The following PCDHA8 variants were observed in gnomAD, a reference collection of about 807,000 sequenced individuals.
PCDHA8 encodes protocadherin alpha 8.
Under a neutral mutation model 61.8 loss-of-function variants are expected in PCDHA8, and 53 were observed. The ratio of observed to expected loss-of-function variants is 0.86; its 90% CI spans 0.69 to 1.08. The LOEUF is 1.08. Ranked by LOEUF, PCDHA8 falls within the 50% of genes least tolerant of loss-of-function variation. PCDHA8 has a pLI of 0.00. For missense variants in PCDHA8, 1,293 were observed against 1,245.0 expected, an observed-to-expected ratio of 1.04 and a Z score of -0.58; for synonymous variants, 618 against 556.6, an observed-to-expected ratio of 1.11 and a Z score of -1.55.
intron 1 of PCDHA8, chr5:140,851,026 C>A (rs1554145197): frequency 2.8e-6 from 4 of 1,416,346 alleles, no homozygotes; most frequent in Admixed American, 5.4e-5. Flanking sequence ...ATAAAGTAAA[C>A]CCCTTAACAT....
Position 140,872,661 on chromosome 5 carries a change from T to G in PCDHA8, c.2394+28946T>G, listed in dbSNP as rs544432969. Among the ~76,000 whole-genome samples the G allele has an allele frequency of 2.0e-5, 3 of 152,284 alleles. No individual in the cohort carries two copies. In the East Asian group the frequency reaches 5.8e-4, roughly 29 times the overall value. ...ATGAAAAGGCAAGAGATTTGTCAAC[T>G]ATTGGATACTCAAACAAAATGGCAT... On this transcript the variant is annotated intron_variant, in intron 1 of 3. Transcript: ENST00000531613.
At chr5:140,979,868 C>T (rs1554241158) in intron 2 of PCDHA8, among the ~76,000 whole-genome samples, 1 of 152,160 alleles carries the variant, frequency 6.6e-6, no homozygotes. Context: ...AATATCTGGG[C>T]AACTATCAAG....
intron 3 of PCDHA8, among the ~76,000 whole-genome samples, chr5:141,007,668 G>C (rs556655396): frequency 6.6e-6 from 1 of 152,262 alleles, no homozygotes; most frequent in East Asian, 1.9e-4. Context: ...AATTTACAAA[G>C]ACAAAAGTTA....
intron 1 of PCDHA8, among the ~76,000 whole-genome samples, chr5:140,961,023 A>G (rs1216128174): frequency 6.6e-6 from 1 of 152,146 alleles, no homozygotes. Flanking sequence ...GACACTTGCT[A>G]CCTCCTTGTT....
chr5:141,008,678 G>C (rs1463545809), intron 3 of PCDHA8, among the ~76,000 whole-genome samples: 1 of 152,112 alleles, frequency 6.6e-6, no homozygotes, highest in Non-Finnish European at 1.5e-5. Flanking sequence ...ATATACTTTA[G>C]TTATTGCATG....
rs79396364 is a variant in PCDHA8 at position 140,939,917 on chromosome 5, T to C, written c.2395-39032T>C. On this transcript the variant is annotated intron_variant, in intron 1 of 3. Transcript: ENST00000531613. ...TATTCTGCATTCTTTTTTATTCTTT[T>C]TGTTTGCTTATTTTATCAGTTACTG... is the stretch of plus-strand genomic sequence containing the variant. Among the ~76,000 whole-genome samples, 828 of 152,316 alleles carry C rather than the reference T, an allele frequency of 5.4e-3. 3 individuals carry two copies. The highest frequency in any genetic ancestry group is 0.019 in the African/African-American group (797 of 41,560).
rs2150351247 is a variant in PCDHA8, at chr5:140,843,055, C to A, written c.1734C>A (p.Ser578Arg). 5 of 1,595,020 alleles carry A rather than the reference C, an allele frequency of 3.1e-6. No individual in the cohort carries two copies. Among genetic ancestry groups the A allele is most frequent in the Admixed American group, 1.7e-5 (1 of 59,274 alleles). ...PRVGGTGGAA[S>R]KLVPRSVGAG... ...TGGGTGGCACTGGTGGCGCAGCGAG[C>A]AAGCTGGTGCCGCGGTCTGTGGGCG... The change falls in exon 1 of 4, where the codon AGC (serine) becomes AGA (arginine). Residue 578 changes from serine (S) to arginine (R), a missense_variant. Physicochemically the swap from Ser to Arg is moderately radical, Grantham distance 110. Coordinates refer to ENST00000531613, the MANE Select transcript of PCDHA8 (RefSeq NM_018911.3).
chr5:140,903,524 A>T (rs2070355065), intron 1 of PCDHA8, among the ~76,000 whole-genome samples: 1 of 152,156 alleles, frequency 6.6e-6, no homozygotes, highest in Non-Finnish European at 1.5e-5. Flanking sequence ...TGTGTTGTTC[A>T]CTTTAAACTA....
chr5:140,877,153 A>T (rs2056892429), intron 1 of PCDHA8: 2 of 1,613,798 alleles, frequency 1.2e-6, no homozygotes, highest in Non-Finnish European at 1.7e-6. Flanking sequence ...CGAGAACGAC[A>T]ACGCGCCGGC....
At chr5:140,941,214 C>CTTCCTTTCTTTCTTTCTTTCTTT (rs1554214039) in intron 1 of PCDHA8, among the ~76,000 whole-genome samples, 1 of 122,414 alleles carries the variant, frequency 8.2e-6, no homozygotes. Flanking sequence ...TTTCTTTCTT[C>CTTCCTTTCTTTCTTTCTTTCTTT]CTTTCTTTCT....
In PCDHA8 at chr5:140,877,669, G is replaced by A. The variant is rs548426920; in HGVS notation, c.2394+33954G>A. The A allele has an allele frequency of 1.4e-4, 219 of 1,613,638 alleles. 3 individuals are homozygous for A. The South Asian group carries it at 2.2e-3, about 17-fold the overall frequency. On this transcript the variant is annotated intron_variant, in intron 1 of 3. Coordinates refer to ENST00000531613, the MANE Select transcript of PCDHA8 (RefSeq NM_018911.3). ...AGCGCCGCCCACCGTGAGCCGGTGC[G>A]CGCCGGGCAAGCCCACGCTGGTGTG...
intron 1 of PCDHA8, chr5:140,865,758 G>A (rs2048989245): frequency 6.6e-6 from 1 of 152,150 alleles, no homozygotes; most frequent in African/African-American, 2.4e-5. Flanking sequence ...CCAGTACATG[G>A]TGGAGATATT....
chr5:140,856,808 C>G (rs1554149136), intron 1 of PCDHA8: 1 of 1,594,492 alleles, frequency 6.3e-7, no homozygotes. Context: ...GTATGAAAAT[C>G]AAGTGAACCA....
intron 1 of PCDHA8, chr5:140,969,445 A>G (rs2096331821): frequency 1.9e-6 from 3 of 1,542,150 alleles, no homozygotes; most frequent in Non-Finnish European, 2.6e-6. Context: ...TATCTGGTAA[A>G]CTGAGTATAT....
At chr5:140,950,746 T>C (rs2094515579) in intron 1 of PCDHA8, among the ~76,000 whole-genome samples, 1 of 152,138 alleles carries the variant, frequency 6.6e-6, no homozygotes, top group Non-Finnish European at 1.5e-5. Context: ...AATTTCTCTC[T>C]ATCCTTTCTG....
chr5:141,004,883 A>T (rs1273215928), intron 3 of PCDHA8, among the ~76,000 whole-genome samples: 4 of 152,132 alleles, frequency 2.6e-5, no homozygotes, highest in Admixed American at 2.0e-4. Flanking sequence ...CTAAAGTGCT[A>T]TTGTGTCAGC....
chr5:140,906,744 A>G (rs2072897297), intron 1 of PCDHA8, among the ~76,000 whole-genome samples: 1 of 152,210 alleles, frequency 6.6e-6, no homozygotes, highest in Admixed American at 6.5e-5. Context: ...CCATTGACAC[A>G]GGGCATGGTA....
chr5:140,927,967 AT>A, intron 1 of PCDHA8: 1 of 1,614,172 alleles, frequency 6.2e-7, no homozygotes, highest in Non-Finnish European at 8.5e-7. Context: ...TGGCACAGTG[AT>A]TGCTCTCTTT....
chr5:140,870,589 C>A (rs1445004841), intron 1 of PCDHA8: 30 of 1,613,510 alleles, frequency 1.9e-5, no homozygotes, highest in Non-Finnish European at 2.5e-5. Context: ...GCTGGTGGAG[C>A]GGCGGTTGGG....
Sources: allele counts gnomAD v4.1 joint callset (sites outside exome capture counted in the v4.1 genomes callset), GRCh38; gene constraint gnomAD v4.1.1; transcripts MANE v1.5; gene names NCBI Gene and HGNC (gene_info 2026-07-23, HGNC 2026-07-21).